ARL6IP6: variants seen among roughly 807,000 people sequenced by gnomAD.
The protein encoded by ARL6IP6 is ARF like GTPase 6 interacting protein 6.
In ARL6IP6, 22 loss-of-function variants were observed where a neutral mutation model predicts 21.5. The observed-to-expected ratio is 1.02, with a 90% CI of 0.73 to 1.46. The LOEUF is 1.46. Among genes scored for constraint, ARL6IP6 ranks in the 40% most tolerant of loss-of-function variants. The pLI is 0.00. For synonymous variants in ARL6IP6, 164 were observed against 125.3 expected (o/e 1.31, Z -2.06); for missense variants, 388 against 299.8 (o/e 1.29, Z -2.17).
Position 152,718,631 on chromosome 2 carries a change from T to G in ARL6IP6, c.7T>G (p.Phe3Val). The G allele has an allele frequency of 6.5e-7, 1 of 1,529,912 alleles. No homozygotes were observed. Among genetic ancestry groups the G allele is most frequent in the Non-Finnish European group, 8.8e-7 (1 of 1,137,906 alleles). The allele number at this position is 1,529,912 out of a possible 1,614,324, so 94.8% of individuals were successfully genotyped here. ...TTTCGTTGTGTTTCGCGCCATGTCG[T>G]TTGCTGAGAGCGGGTGGCGGTCGGC... is the stretch of plus-strand genomic sequence containing the variant. MS[F>V]AESGWRSALR... Residue 3 changes from phenylalanine to valine, a missense_variant, in exon 1 of 4, where the codon TTT becomes GTT. Transcript: ENST00000326446.
chr2:152,756,424 T>TGAAAAAGCCACC (rs1320824926), intron 3 of ARL6IP6, among the ~76,000 whole-genome samples: 1 of 152,122 alleles, frequency 6.6e-6, no homozygotes, highest in African/African-American at 2.4e-5. Flanking sequence ...AAAGATTTAA[T>TGAAAAAGCCACC]GAAAAAGCCA....
intron 2 of ARL6IP6, among the ~76,000 whole-genome samples, chr2:152,722,208 A>C (rs1574011446): frequency 1.3e-5 from 2 of 152,342 alleles, no homozygotes; most frequent in South Asian, 4.1e-4. Flanking sequence ...AAATAATCCC[A>C]TGTTGCTTTT....
intron 2 of ARL6IP6, among the ~76,000 whole-genome samples, chr2:152,729,195 C>G (rs1479406926): frequency 6.6e-6 from 1 of 152,128 alleles, no homozygotes; most frequent in African/African-American, 2.4e-5. Context: ...GATGGTGAAA[C>G]CCTGTGTCTA....
intron 1 of ARL6IP6, among the ~76,000 whole-genome samples, chr2:152,719,650 G>C (rs905467791): frequency 6.6e-6 from 1 of 151,302 alleles, no homozygotes; most frequent in Non-Finnish European, 1.5e-5. Context: ...CAAGGCATAC[G>C]GTTGTATAAT....
At chr2:152,758,565 A>C (rs1289439322) in intron 3 of ARL6IP6, among the ~76,000 whole-genome samples, 1 of 152,190 alleles carries the variant, frequency 6.6e-6, no homozygotes, top group African/African-American at 2.4e-5. Flanking sequence ...ATTAACCCTT[A>C]ATAACACATG....
Position 152,718,933 on chromosome 2 carries a change from G to A in ARL6IP6, c.309G>A (p.Arg103=). The A allele has an allele frequency of 6.2e-7, 1 of 1,613,810 alleles. No homozygotes were observed. The highest frequency in any genetic ancestry group is 8.5e-7 in the Non-Finnish European group (1 of 1,179,844). The part of the protein sequence containing the change: ...AAAGSRAQPR[R]WPVQVLSILC... ...CGGGCAGCAGAGCCCAGCCTCGGCG[G>A]TGGCCGGTCCAGGTCCTCTCTATTC... The change falls in exon 1 of 4, where the codon CGG becomes CGA. Residue 103 remains arginine, a synonymous_variant. Transcript: ENST00000326446.
intron 3 of ARL6IP6, among the ~76,000 whole-genome samples, chr2:152,739,801 G>C (rs1368810149): frequency 6.6e-6 from 1 of 152,194 alleles, no homozygotes; most frequent in Non-Finnish European, 1.5e-5. Flanking sequence ...TTGACTCACA[G>C]TTCCACATGG....
Position 152,718,805 on chromosome 2 carries a change from G to T in ARL6IP6, c.181G>T (p.Ala61Ser). ...VARDLRAEFSAGAWSEPRKRS... is the reference protein window; with the variant it reads ...VARDLRAEFSSGAWSEPRKRS... ...CCGCGACCTGCGGGCGGAGTTCTCG[G>T]CTGGGGCGTGGTCAGAGCCCAGAAA... The change falls in exon 1 of 4, where the codon GCT becomes TCT. Residue 61 changes from alanine to serine, a missense_variant. Coordinates refer to ENST00000326446, the MANE Select transcript of ARL6IP6 (RefSeq NM_152522.7). 2 of 1,607,468 alleles carry T rather than the reference G, an allele frequency of 1.2e-6. No individual in the cohort carries two copies. The highest frequency in any genetic ancestry group is 2.2e-5 in the East Asian group (1 of 44,624).
At chr2:152,737,252 G>A (rs1700594972) in intron 3 of ARL6IP6, among the ~76,000 whole-genome samples, 1 of 151,948 alleles carries the variant, frequency 6.6e-6, no homozygotes, top group African/African-American at 2.4e-5. Flanking sequence ...CTCTCTCCCT[G>A]GATTATCATT....
chr2:152,723,396 G>GT (rs1368418160), intron 2 of ARL6IP6, among the ~76,000 whole-genome samples: 1 of 152,110 alleles, frequency 6.6e-6, no homozygotes, highest in Non-Finnish European at 1.5e-5. Flanking sequence ...ATGTTTGATT[G>GT]TTTTGTATAT....
intron 3 of ARL6IP6, 29 bp downstream of exon 3, chr2:152,735,155 T>C (rs749368185): frequency 3.1e-6 from 5 of 1,609,756 alleles, no homozygotes; most frequent in South Asian, 1.1e-5. Context: ...TGTTTCTTTT[T>C]TAAATGCATT....
At position 152,735,139 on chromosome 2, in the gene ARL6IP6, G is replaced by A; in HGVS notation, c.587+13G>A. Reference sequence around the variant, plus strand: ...CTGCCAGGTTCAAGTAAGTATTCCTGTTTCCTGTTTCTTTTTTAAATGCAT... The same window carrying A: ...CTGCCAGGTTCAAGTAAGTATTCCTATTTCCTGTTTCTTTTTTAAATGCAT... On this transcript the variant is annotated intron_variant, in intron 3 of 3. Coordinates refer to ENST00000326446, the MANE Select transcript of ARL6IP6 (RefSeq NM_152522.7). 1 of 1,612,104 alleles carries A rather than the reference G, an allele frequency of 6.2e-7. No individual in the cohort carries two copies. The highest frequency in any genetic ancestry group is 8.5e-7 in the Non-Finnish European group (1 of 1,178,942).
At chr2:152,719,782 ACTTTGTTGT>A in intron 1 of ARL6IP6, 2 of 323,102 alleles carry the variant, frequency 6.2e-6, no homozygotes, top group East Asian at 9.8e-5. Context: ...AAACAAAAGA[ACTTTGTTGT>A]ATGAAAAGCA....
intron 3 of ARL6IP6, among the ~76,000 whole-genome samples, chr2:152,755,583 C>G (rs980961725): frequency 3.9e-5 from 6 of 152,350 alleles, no homozygotes; most frequent in African/African-American, 1.4e-4. Context: ...TCCTCTCTCT[C>G]TCTGCCTTGG....
intron 3 of ARL6IP6, among the ~76,000 whole-genome samples, chr2:152,739,188 T>C (rs1474214080): frequency 1.3e-5 from 2 of 152,108 alleles, no homozygotes; most frequent in East Asian, 3.9e-4. Flanking sequence ...GGTTTCACCA[T>C]GTTAGCCAGG....
chr2:152,731,825 A>G (rs1440288518), intron 2 of ARL6IP6, among the ~76,000 whole-genome samples: 1 of 152,246 alleles, frequency 6.6e-6, no homozygotes, highest in East Asian at 1.9e-4. Flanking sequence ...ATTTCTTCAT[A>G]TATACAACAT....
intron 3 of ARL6IP6, 50 bp downstream of exon 3, chr2:152,735,176 A>T (rs1379818043): frequency 2.5e-6 from 4 of 1,582,502 alleles, no homozygotes; most frequent in Non-Finnish European, 3.5e-6. Context: ...TCAACTCTTG[A>T]AAATACTAAA....
intron 2 of ARL6IP6, among the ~76,000 whole-genome samples, chr2:152,724,675 G>A (rs1035999626): frequency 6.6e-6 from 1 of 152,148 alleles, no homozygotes; most frequent in East Asian, 1.9e-4. Flanking sequence ...TGGGAGGGAC[G>A]TTTCTTAGGC....
upstream of ARL6IP6, chr2:152,717,760 C>T: frequency 7.8e-6 from 10 of 1,275,094 alleles, no homozygotes; most frequent in African/African-American, 3.0e-5. Context: ...CCGCCTCACC[C>T]CGTAGGGGGT....
Sources: allele counts gnomAD v4.1 joint callset (sites outside exome capture counted in the v4.1 genomes callset), GRCh38; gene constraint gnomAD v4.1.1; transcripts MANE v1.5; gene names NCBI Gene and HGNC (gene_info 2026-07-23, HGNC 2026-07-21).